Variants in TEX261 observed in about 807,000 individuals in gnomAD.
The protein encoded by TEX261 is testis expressed 261.
In TEX261, 13 loss-of-function variants were observed where a neutral mutation model predicts 25.1. The observed-to-expected ratio is 0.52, with a 90% confidence interval of 0.34 to 0.82. TEX261 has a LOEUF of 0.82. Among genes scored for constraint, TEX261 ranks in the 40% least tolerant of loss-of-function variants. TEX261 has a pLI of 0.02. For synonymous variants in TEX261, 92 were observed against 97.8 expected (o/e 0.94, Z 0.35); for missense variants, 206 against 243.2 (o/e 0.85, Z 1.02).
intron 3 of TEX261, 61 bp from the exon 4 acceptor site, chr2:70,989,877 C>A: frequency 7.8e-7 from 1 of 1,282,340 alleles, no homozygotes; most frequent in South Asian, 1.2e-5. Flanking sequence ...GTACTTTTAA[C>A]TTCAAAAGGC....
Position 70,994,665 on chromosome 2 carries a change from G to A in TEX261, c.70+23C>T, listed in dbSNP as rs200752120. Reference sequence around the variant, plus strand: ...CCGATGCCGGGGCGGGAGCCCGCGCGGGCCGGGGTCGTGCAGTCTCACCGA... The same window carrying A: ...CCGATGCCGGGGCGGGAGCCCGCGCAGGCCGGGGTCGTGCAGTCTCACCGA... On this transcript the variant is annotated intron_variant, in intron 1 of 5. Transcript: ENST00000272438. 5.6e-4 allele frequency: 882 copies of A among 1,578,848 alleles called. 3 individuals carry two copies. The African/African-American group carries it at 0.01, about 18-fold the overall frequency.
chr2:70,994,823 A>C lies in TEX261; in HGVS notation c.-66T>G. On this transcript the variant is annotated 5_prime_UTR_variant, in exon 1 of 6. Transcript: ENST00000272438. Reference sequence around the variant, plus strand: ...CTGCGCGCTTCGGCTCCGGCGACACACAGCCGCCACCGCCGCCGCCGCCGC... The same window carrying C: ...CTGCGCGCTTCGGCTCCGGCGACACCCAGCCGCCACCGCCGCCGCCGCCGC... 1 of 1,317,970 alleles carries C rather than the reference A, an allele frequency of 7.6e-7. No individual in the cohort carries two copies. Among genetic ancestry groups the C allele is most frequent in the Non-Finnish European group, 9.7e-7 (1 of 1,032,844 alleles). 81.6% of individuals were successfully genotyped at this position (1,317,970 alleles called of 1,614,324 possible). A position where few individuals can be genotyped will look rare whatever the true frequency, so the allele number is the denominator to read the frequency against.
At chr2:70,992,104 G>T in intron 2 of TEX261, 121 bp from the exon 3 acceptor site, 4 of 982,878 alleles carry the variant, frequency 4.1e-6, no homozygotes, top group Non-Finnish European at 4.1e-6. Context: ...CATTTCACAG[G>T]TCTGGCCTCC....
chr2:70,993,558 AG>A, intron 2 of TEX261, 137 bp downstream of exon 2: 5 of 737,754 alleles, frequency 6.8e-6, no homozygotes, highest in Non-Finnish European at 1.2e-5. Flanking sequence ...GACAGCGTTC[AG>A]GGCAAGGAGG....
In TEX261 at chr2:70,994,794, G is replaced by A. The variant is rs782571950; in HGVS notation, c.-37C>T. 1.4e-4 allele frequency: 218 copies of A among 1,507,018 alleles called. No homozygotes were observed. The highest frequency in any genetic ancestry group is 1.9e-4 in the Non-Finnish European group (211 of 1,128,594). 93.4% of individuals were successfully genotyped at this position (1,507,018 alleles called of 1,614,324 possible). On this transcript the variant is annotated 5_prime_UTR_variant, in exon 1 of 6. Transcript: ENST00000272438. ...CCGCCCGCTCCCCGGCCACCGGGAC[G>A]GGCCTGCGCGCTTCGGCTCCGGCGA...
chr2:70,990,081 A>C (rs1670274231), intron 3 of TEX261, among the ~76,000 whole-genome samples: 1 of 152,244 alleles, frequency 6.6e-6, no homozygotes, highest in Non-Finnish European at 1.5e-5. Context: ...TCTATGTTAC[A>C]TAATCCAAAG....
rs532077917 is a variant in TEX261, at chr2:70,994,832, A to ACCGCCG, written c.-81_-76dup. On this transcript the variant is annotated 5_prime_UTR_variant, in exon 1 of 6. Transcript: ENST00000272438. ...TCGGCTCCGGCGACACACAGCCGCC[A>ACCGCCG]CCGCCGCCGCCGCCGCCGCGTCCCC... is the stretch of plus-strand genomic sequence containing the variant. 451 of 1,270,124 alleles carry ACCGCCG rather than the reference A, an allele frequency of 3.6e-4. 1 individual carries two copies. In the African/African-American group the frequency reaches 5.7e-3, roughly 16 times the overall value. 78.7% of individuals were successfully genotyped at this position (1,270,124 alleles called of 1,614,324 possible).
Position 70,991,891 on chromosome 2 carries a change from A to C in TEX261, c.243T>G (p.Phe81Leu). 6.2e-7 allele frequency: 1 copy of C among 1,613,960 alleles called. No homozygotes were observed. The highest frequency in any genetic ancestry group is 8.5e-7 in the Non-Finnish European group (1 of 1,179,964). ...GVGLFTNLVY[F>L]GLLQTFPFIM... is the part of the protein sequence containing the mutation. ...TGAAGGGGAAGGTCTGGAGGAGGCC[A>C]AAGTAGACGAGGTTGGTGAATAGGC... The change falls in exon 3 of 6, where the codon TTT (phenylalanine) becomes TTG (leucine). Residue 81 changes from phenylalanine to leucine, a missense_variant. Physicochemically the swap from Phe to Leu is conservative, Grantham distance 22 (BLOSUM62 0). Transcript: ENST00000272438.
intron 5 of TEX261, 26 bp downstream of exon 5, chr2:70,988,889 T>C (rs1572940770): frequency 2.5e-6 from 4 of 1,610,110 alleles, no homozygotes; most frequent in African/African-American, 1.3e-5. Flanking sequence ...TGCCCCCACC[T>C]GGGCCCCTTA....
rs548877776 is a variant in TEX261, at chr2:70,991,754, A to T, written c.304+76T>A. On this transcript the variant is annotated intron_variant, in intron 3 of 5. Transcript: ENST00000272438. ...TCAACAGCTGGCTTCCTTTTTCTGT[A>T]TCCCCTTTAGTGCCCAGGATGGAGA... The T allele has an allele frequency of 3.3e-6, 5 of 1,531,758 alleles. No individual in the cohort carries two copies. The African/African-American group carries it at 6.9e-5, about 21-fold the overall frequency. The allele number at this position is 1,531,758 out of a possible 1,614,324, so 94.9% of individuals were successfully genotyped here.
Position 70,989,826 on chromosome 2 carries a change from G to A in TEX261, c.305-10C>T. ...TTCACCACCACTAGTCCTGTTGAGG[G>A]AATGAAGAGTCAGTCAGTTTAAGGG... On this transcript the variant is annotated splice_polypyrimidine_tract_variant and intron_variant, in intron 3 of 5. Transcript: ENST00000272438. 6.2e-7 allele frequency: 1 copy of A among 1,604,806 alleles called. No homozygotes were observed. The highest frequency in any genetic ancestry group is 1.3e-5 in the African/African-American group (1 of 74,836).
At chr2:70,992,525 T>A in intron 2 of TEX261, among the ~76,000 whole-genome samples, 1 of 152,030 alleles carries the variant, frequency 6.6e-6, no homozygotes, top group Admixed American at 6.5e-5. Flanking sequence ...AGGTTGGGAG[T>A]TTGTGACCAG....
intron 4 of TEX261, chr2:70,989,278 C>G (rs1475442888): frequency 1.8e-6 from 1 of 540,742 alleles, no homozygotes; most frequent in African/African-American, 1.9e-5. Context: ...CTGAAGGAGG[C>G]AGACAAAGTG....
At position 70,989,737 on chromosome 2, in the gene TEX261, G is replaced by T; in HGVS notation, c.372+12C>A. The T allele has an allele frequency of 1.9e-6, 3 of 1,597,520 alleles. No homozygotes were observed. The highest frequency in any genetic ancestry group is 2.6e-6 in the Non-Finnish European group (3 of 1,164,852). ...TCCCTGTTAACAGCTGAATGTGCTG[G>T]ACACTTCTTACCTCTGAGAAGGGAT... On this transcript the variant is annotated intron_variant, in intron 4 of 5. Transcript: ENST00000272438.
intron 4 of TEX261, 56 bp downstream of exon 4, chr2:70,989,693 G>A: frequency 8.5e-7 from 1 of 1,176,132 alleles, no homozygotes; most frequent in Non-Finnish European, 1.3e-6. Context: ...AACCATGCAA[G>A]TTCCCTTTTA....
At chr2:70,989,234 T>C (rs983057306) in intron 4 of TEX261, 1 of 587,684 alleles carries the variant, frequency 1.7e-6, no homozygotes, top group Non-Finnish European at 3.1e-6. Context: ...ACAAACCCCA[T>C]ATCTTGGTCG....
chr2:70,988,331 G>C lies in TEX261; in HGVS notation c.*269C>G, dbSNP rs1572940397. On this transcript the variant is annotated 3_prime_UTR_variant, in exon 6 of 6. Transcript: ENST00000272438. Reference sequence around the variant, plus strand: ...CAGAACCTCCTGACCCACCTTGGAAGGGACAGGGGAGGACTGAGGGACCTC... The same window carrying C: ...CAGAACCTCCTGACCCACCTTGGAACGGACAGGGGAGGACTGAGGGACCTC... The C allele has an allele frequency of 4.7e-6, 2 of 424,228 alleles. No homozygotes were observed. Among genetic ancestry groups the C allele is most frequent in the Admixed American group, 3.7e-5 (1 of 26,818 alleles). 26.3% of individuals were successfully genotyped at this position (424,228 alleles called of 1,614,324 possible).
intron 2 of TEX261, 53 bp from the exon 3 acceptor site, chr2:70,992,036 T>A (rs976830540): frequency 5.4e-5 from 81 of 1,510,796 alleles, no homozygotes; most frequent in Middle Eastern, 1.8e-4. Flanking sequence ...GCAACGTTCC[T>A]GGACTCACCA....
intron 3 of TEX261, among the ~76,000 whole-genome samples, chr2:70,990,101 G>A (rs1196372952): frequency 1.3e-5 from 2 of 152,184 alleles, no homozygotes; most frequent in African/African-American, 2.4e-5. Flanking sequence ...GCATCATGAC[G>A]ATGAACCTCG....
Sources: allele counts gnomAD v4.1 joint callset (sites outside exome capture counted in the v4.1 genomes callset), GRCh38; gene constraint gnomAD v4.1.1; transcripts MANE v1.5; gene names NCBI Gene and HGNC (gene_info 2026-07-23, HGNC 2026-07-21).